PARD3: variants seen among roughly 807,000 people sequenced by gnomAD.
PARD3 encodes partitioning defective 3 homolog.
PARD3 carries 75 observed loss-of-function variants against 155.4 expected under a neutral mutation model. The observed-to-expected ratio is 0.48, with a 90% confidence interval of 0.40 to 0.58. PARD3 has a LOEUF of 0.58. Among genes scored for constraint, PARD3 ranks in the 20% least tolerant of loss-of-function variants. The pLI is 0.00. For missense variants in PARD3, 1,642 were observed against 1,721.7 expected (o/e 0.95, Z 0.82); for synonymous variants, 576 against 610.5 (o/e 0.94, Z 0.83).
chr10:34,423,122 C>T (rs1423342402), intron 5 of PARD3, among the ~76,000 whole-genome samples: 1 of 152,080 alleles, frequency 6.6e-6, no homozygotes, highest in Non-Finnish European at 1.5e-5. Context: ...CACACACACA[C>T]AACAAAATAC....
chr10:34,292,457 T>C (rs1956719262), intron 20 of PARD3, among the ~76,000 whole-genome samples: 1 of 152,060 alleles, frequency 6.6e-6, no homozygotes, highest in South Asian at 2.1e-4. Context: ...AGCTCCTATT[T>C]AGGCAAAAAA....
intron 12 of PARD3, among the ~76,000 whole-genome samples, chr10:34,368,597 G>A (rs949756946): frequency 6.6e-5 from 10 of 151,784 alleles, no homozygotes; most frequent in East Asian, 1.9e-4. Context: ...GTGTGAACCC[G>A]GGGGGTGGAG....
At chr10:34,145,980 G>A (rs1198298738) in intron 22 of PARD3, among the ~76,000 whole-genome samples, 1 of 152,110 alleles carries the variant, frequency 6.6e-6, no homozygotes, top group East Asian at 1.9e-4. Context: ...TCCTTTTCCA[G>A]GGCAATTCCA....
chr10:34,497,367 G>T (rs2080363676), intron 3 of PARD3, among the ~76,000 whole-genome samples: 1 of 152,164 alleles, frequency 6.6e-6, no homozygotes, highest in Non-Finnish European at 1.5e-5. Context: ...TATTTAAAGT[G>T]TACAAGAGGA....
intron 5 of PARD3, among the ~76,000 whole-genome samples, chr10:34,423,671 T>C (rs911069472): frequency 7.2e-5 from 11 of 152,136 alleles, no homozygotes; most frequent in Admixed American, 7.2e-4. Flanking sequence ...TACAGCACAC[T>C]GATTCACATA....
chr10:34,174,265 T>C (rs1368086896), intron 22 of PARD3, among the ~76,000 whole-genome samples: 1 of 152,206 alleles, frequency 6.6e-6, no homozygotes, highest in South Asian at 2.1e-4. Context: ...AACAACTATA[T>C]GCATGACTAC....
intron 1 of PARD3, among the ~76,000 whole-genome samples, chr10:34,759,476 G>A (rs1307341298): frequency 1.3e-5 from 2 of 152,172 alleles, no homozygotes; most frequent in Admixed American, 6.5e-5. Flanking sequence ...TCTATTCCAC[G>A]CATCAACAAA....
chr10:34,744,117 G>A (rs747583264), intron 1 of PARD3, among the ~76,000 whole-genome samples: 5 of 152,176 alleles, frequency 3.3e-5, no homozygotes, highest in Non-Finnish European at 7.3e-5. Flanking sequence ...CAGTCACCAC[G>A]CTCCTCACCG....
chr10:34,360,393 C>A, intron 12 of PARD3, 134 bp from the exon 13 acceptor site: 1 of 612,530 alleles, frequency 1.6e-6, no homozygotes, highest in East Asian at 2.7e-5. Context: ...ACAGCAAGAT[C>A]CATGAAAACA....
chr10:34,343,450 T>C, intron 15 of PARD3: 1 of 980,548 alleles, frequency 1.0e-6, no homozygotes, highest in Non-Finnish European at 1.2e-6. Flanking sequence ...GATACAATAT[T>C]GTATACATAG....
intron 2 of PARD3, among the ~76,000 whole-genome samples, chr10:34,662,871 GAAA>G (rs568672135): frequency 3.2e-4 from 40 of 123,614 alleles, no homozygotes; most frequent in South Asian, 2.5e-3. Context: ...AACTGTCTCA[GAAA>G]AAAAAAAAAA....
intron 2 of PARD3, among the ~76,000 whole-genome samples, chr10:34,535,297 GC>G (rs1328640798): frequency 2.0e-5 from 3 of 152,072 alleles, no homozygotes. Flanking sequence ...AGATCAAAGG[GC>G]TTATCGCCAT....
At chr10:34,797,525 T>C (rs181288708) in intron 1 of PARD3, among the ~76,000 whole-genome samples, 1 of 152,204 alleles carries the variant, frequency 6.6e-6, no homozygotes, top group Non-Finnish European at 1.5e-5. Context: ...TCTTCTCTAA[T>C]ACTACTGCTC....
chr10:34,689,707 C>T (rs993207740), intron 2 of PARD3, among the ~76,000 whole-genome samples: 2 of 151,926 alleles, frequency 1.3e-5, no homozygotes, highest in Non-Finnish European at 2.9e-5. Context: ...TTATCAAATT[C>T]GCAGAAGGAT....
intron 2 of PARD3, among the ~76,000 whole-genome samples, chr10:34,629,870 C>A (rs1364022122): frequency 6.6e-6 from 1 of 152,062 alleles, no homozygotes; most frequent in Non-Finnish European, 1.5e-5. Context: ...ATTCAATAAG[C>A]AAATATTACA....
chr10:34,410,592 CT>C (rs1470135165), intron 5 of PARD3, among the ~76,000 whole-genome samples: 10 of 152,166 alleles, frequency 6.6e-5, no homozygotes, highest in African/African-American at 2.2e-4. Flanking sequence ...CAGTATCAAA[CT>C]ACTTTCTAAA....
intron 19 of PARD3, 94 bp from the exon 20 acceptor site, chr10:34,317,432 C>CTTTTTTT (rs1406569820): frequency 4.5e-6 from 6 of 1,324,018 alleles, no homozygotes; most frequent in Non-Finnish European, 6.1e-6. Flanking sequence ...CTTTCCCACA[C>CTTTTTTT]TTTTACTGCA....
chr10:34,298,715 C>T (rs1045289756), intron 20 of PARD3, among the ~76,000 whole-genome samples: 7 of 152,132 alleles, frequency 4.6e-5, no homozygotes, highest in South Asian at 2.1e-4. Flanking sequence ...CTGAACTAAA[C>T]GGCTTAAAAA....
At chr10:34,331,082 T>C (rs775022373) in intron 19 of PARD3, 35 bp downstream of exon 19, 2 of 1,539,500 alleles carry the variant, frequency 1.3e-6, no homozygotes, top group East Asian at 2.2e-5. Context: ...AGAGTCTAAT[T>C]TTAATTATTA....
Sources: gnomAD v4.1 joint callset for allele counts (sites outside exome capture counted in the v4.1 genomes callset) on GRCh38, gnomAD v4.1.1 for gene constraint, MANE v1.5 for transcripts, NCBI Gene and HGNC (gene_info 2026-07-23, HGNC 2026-07-21) for gene names.